Variants in GLRA3 observed in about 807,000 individuals in gnomAD.
The protein encoded by GLRA3 is glycine receptor alpha 3.
Under a neutral mutation model 60.4 loss-of-function variants are expected in GLRA3, and 44 were observed. The ratio of observed to expected loss-of-function variants is 0.73; its 90% CI spans 0.57 to 0.94. GLRA3 has a LOEUF of 0.94. GLRA3 is among the 40% of genes least tolerant of loss of function. The pLI is 0.00. For synonymous variants in GLRA3, 223 were observed against 192.9 expected, an observed-to-expected ratio of 1.16 and a Z score of -1.29; for missense variants, 508 against 564.6, an observed-to-expected ratio of 0.90 and a Z score of 1.02.
At chr4:174,811,330 C>G (rs1740265411) in intron 1 of GLRA3, among the ~76,000 whole-genome samples, 1 of 151,988 alleles carries the variant, frequency 6.6e-6, no homozygotes, top group Admixed American at 6.6e-5. Context: ...CTTGGAATAG[C>G]AGATGTTACC....
intron 7 of GLRA3, among the ~76,000 whole-genome samples, chr4:174,666,666 A>G (rs1213704279): frequency 6.6e-6 from 1 of 150,522 alleles, no homozygotes; most frequent in African/African-American, 2.4e-5. Context: ...TCCCCAAGAA[A>G]TTATGCAGTT....
chr4:174,807,041 C>G (rs948980992), intron 1 of GLRA3, among the ~76,000 whole-genome samples: 1 of 151,806 alleles, frequency 6.6e-6, no homozygotes, highest in African/African-American at 2.4e-5. Flanking sequence ...AAGAAAATAG[C>G]CAGTATGATG....
chr4:174,795,418 T>A (rs894989726), intron 1 of GLRA3, among the ~76,000 whole-genome samples: 2 of 152,158 alleles, frequency 1.3e-5, no homozygotes, highest in African/African-American at 4.8e-5. Context: ...ATGGTTCTTT[T>A]GACATGGCAC....
chr4:174,788,201 T>C (rs1739193863), intron 2 of GLRA3, among the ~76,000 whole-genome samples: 2 of 152,090 alleles, frequency 1.3e-5, no homozygotes, highest in South Asian at 4.1e-4. Context: ...CTGGATAAGT[T>C]ACATATCCTT....
chr4:174,812,387 A>G (rs1408926678), intron 1 of GLRA3, among the ~76,000 whole-genome samples: 2 of 152,162 alleles, frequency 1.3e-5, no homozygotes, highest in African/African-American at 4.8e-5. Context: ...TATGGTAGAT[A>G]TTCATGCTTG....
In GLRA3 at chr4:174,638,285, C is replaced by T. The variant is rs1448665777; in HGVS notation, c.*5501G>A. The T allele has an allele frequency of 6.6e-6, 1 of 151,928 alleles. No individual in the cohort carries two copies. Among genetic ancestry groups the T allele is most frequent in the Admixed American group, 6.6e-5 (1 of 15,242 alleles). 9.4% of individuals were successfully genotyped at this position (151,928 alleles called of 1,614,324 possible). A position where few individuals can be genotyped will look rare whatever the true frequency, so the allele number is the denominator to read the frequency against. ...ACGCATCAAAGATTTATTTTAAATT[C>T]TTTTTTTGTCTGTCTGTTTGTTTGT... is the stretch of plus-strand genomic sequence containing the variant. On this transcript the variant is annotated 3_prime_UTR_variant, in exon 10 of 10. Coordinates refer to ENST00000274093, the MANE Select transcript of GLRA3 (RefSeq NM_006529.4).
chr4:174,679,783 T>G (rs1737384453), intron 6 of GLRA3, among the ~76,000 whole-genome samples: 1 of 152,208 alleles, frequency 6.6e-6, no homozygotes, highest in African/African-American at 2.4e-5. Flanking sequence ...ATATCACATA[T>G]TATTATTCAC....
rs1020301510 is a variant in GLRA3 at position 174,771,060 on chromosome 4, C to T, written c.200-4030G>A. On this transcript the variant is annotated intron_variant, in intron 2 of 9. Transcript: ENST00000274093. ...GAACACATGGACACAGGAAAGAGAA[C>T]ATTACACTCTGGGAACTGTTGTGGG... Among the ~76,000 whole-genome samples the T allele has an allele frequency of 8.2e-5, 10 of 122,650 alleles. No individual in the cohort carries two copies. The South Asian group carries it at 2.3e-3, about 28-fold the overall frequency. 80.5% of individuals were successfully genotyped at this position (122,650 alleles called of 152,430 possible).
chr4:174,790,845 AAGAAAG>A (rs1381272304), intron 1 of GLRA3, among the ~76,000 whole-genome samples: 3 of 144,708 alleles, frequency 2.1e-5, no homozygotes, highest in Non-Finnish European at 4.5e-5. Context: ...AAAAAAAAAA[AAGAAAG>A]AAATTAGCCG....
intron 3 of GLRA3, among the ~76,000 whole-genome samples, chr4:174,756,771 A>G (rs953992224): frequency 6.6e-6 from 1 of 151,500 alleles, no homozygotes; most frequent in South Asian, 2.1e-4. Context: ...CAGCCTCCCG[A>G]GTAGCTGGAA....
intron 5 of GLRA3, among the ~76,000 whole-genome samples, chr4:174,692,365 G>A (rs1734876082): frequency 7.1e-6 from 1 of 141,290 alleles, no homozygotes; most frequent in African/African-American, 2.6e-5. Context: ...GGAGATGAGG[G>A]GCGCCTCTGC....
intron 5 of GLRA3, among the ~76,000 whole-genome samples, chr4:174,688,973 T>G (rs1328185310): frequency 2.0e-5 from 3 of 152,068 alleles, no homozygotes. Flanking sequence ...CTAATGGAAT[T>G]GTCTGATCAT....
intron 9 of GLRA3, among the ~76,000 whole-genome samples, chr4:174,653,708 C>T (rs1206729356): frequency 6.6e-6 from 1 of 151,848 alleles, no homozygotes; most frequent in Non-Finnish European, 1.5e-5. Context: ...TCACTTACTG[C>T]CAACTTATAA....
At chr4:174,741,323 T>C (rs1579535295) in intron 3 of GLRA3, among the ~76,000 whole-genome samples, 1 of 152,316 alleles carries the variant, frequency 6.6e-6, no homozygotes, top group Admixed American at 6.5e-5. Context: ...AATTTGCATT[T>C]TGCTAATGGC....
chr4:174,696,775 C>A (rs1735071411), intron 5 of GLRA3, among the ~76,000 whole-genome samples: 1 of 151,888 alleles, frequency 6.6e-6, no homozygotes, highest in Non-Finnish European at 1.5e-5. Flanking sequence ...AGTATAGGTA[C>A]ATACACATAT....
At chr4:174,745,961 A>G (rs1737228504) in intron 3 of GLRA3, among the ~76,000 whole-genome samples, 1 of 152,156 alleles carries the variant, frequency 6.6e-6, no homozygotes, top group Non-Finnish European at 1.5e-5. Context: ...ATCTTATGCC[A>G]GTTAGAATGG....
chr4:174,754,878 T>G (rs115301196), intron 3 of GLRA3, among the ~76,000 whole-genome samples: 1,806 of 152,230 alleles, frequency 0.012, 18 homozygotes, highest in Non-Finnish European at 0.02. Flanking sequence ...TGGAGAACTC[T>G]CCATAAAAAT....
intron 7 of GLRA3, among the ~76,000 whole-genome samples, chr4:174,665,237 C>CTTTTTTTTTTTTTTTT (rs34499494): frequency 2.4e-5 from 3 of 127,488 alleles, no homozygotes; most frequent in Non-Finnish European, 4.9e-5. Context: ...TTTGTATTTA[C>CTTTTTTTTTTTTTTTT]TTTTTTTTTT....
At chr4:174,686,040 T>C (rs1159819674) in intron 5 of GLRA3, among the ~76,000 whole-genome samples, 1 of 152,236 alleles carries the variant, frequency 6.6e-6, no homozygotes, top group African/African-American at 2.4e-5. Context: ...TGCTTTTGTT[T>C]AAAACAGTCA....
Sources: gnomAD v4.1 joint callset for allele counts (sites outside exome capture counted in the v4.1 genomes callset) on GRCh38, gnomAD v4.1.1 for gene constraint, MANE v1.5 for transcripts, NCBI Gene and HGNC (gene_info 2026-07-23, HGNC 2026-07-21) for gene names.